The following MTCL1 variants were observed in gnomAD, a reference collection of about 807,000 sequenced individuals.
MTCL1 encodes microtubule cross-linking factor 1.
Under a neutral mutation model 141.4 loss-of-function variants are expected in MTCL1, and 79 were observed. The observed-to-expected ratio is 0.56, with a 90% CI of 0.47 to 0.67. The LOEUF (loss-of-function observed/expected upper bound fraction) is 0.67. Ranked by LOEUF, MTCL1 falls within the 30% of genes least tolerant of loss-of-function variation. The pLI is 0.00. For missense variants in MTCL1, 2,177 were observed against 2,113.9 expected (o/e 1.03, Z -0.59); for synonymous variants, 914 against 875.8 (o/e 1.04, Z -0.77).
chr18:8,788,158 C>G (rs766048142), intron 7 of MTCL1, among the ~76,000 whole-genome samples: 1 of 152,164 alleles, frequency 6.6e-6, no homozygotes, highest in African/African-American at 2.4e-5. Context: ...ACACAGACCC[C>G]GCCGGACTAA....
At chr18:8,726,071 G>A (rs1253570002) in intron 4 of MTCL1, among the ~76,000 whole-genome samples, 12 of 151,698 alleles carry the variant, frequency 7.9e-5, no homozygotes, top group African/African-American at 2.4e-4. Flanking sequence ...GATTACAGGC[G>A]TGAGCCACCG....
At chr18:8,709,493 G>T (rs979372642) in intron 1 of MTCL1, among the ~76,000 whole-genome samples, 2 of 152,042 alleles carry the variant, frequency 1.3e-5, no homozygotes, top group Non-Finnish European at 2.9e-5. Flanking sequence ...TGTGCCTCGT[G>T]GGGTACTTTT....
intron 4 of MTCL1, among the ~76,000 whole-genome samples, chr18:8,777,352 C>T (rs771213279): frequency 6.6e-6 from 1 of 152,182 alleles, no homozygotes; most frequent in Non-Finnish European, 1.5e-5. Context: ...CCTTGGTATC[C>T]CAAAGCATTG....
At chr18:8,821,346 CAG>C (rs2076839978) in intron 13 of MTCL1, 119 bp from the exon 13 acceptor site, 3 of 639,814 alleles carry the variant, frequency 4.7e-6, no homozygotes. Context: ...AGCTTGGCCT[CAG>C]TGCACATTTT....
intron 5 of MTCL1, 70 bp from the exon 5 acceptor site, chr18:8,783,460 G>A: frequency 7.2e-7 from 1 of 1,385,906 alleles, no homozygotes; most frequent in Non-Finnish European, 9.8e-7. Flanking sequence ...AGGTGTGAGG[G>A]GAATCATGAA....
intron 4 of MTCL1, among the ~76,000 whole-genome samples, chr18:8,737,885 A>G (rs567726876): frequency 4.6e-5 from 7 of 152,274 alleles, no homozygotes; most frequent in Non-Finnish European, 1.0e-4. Flanking sequence ...CTGTTGCTTT[A>G]TGGGGCCATG....
chr18:8,748,030 TG>T (rs2096349961), intron 4 of MTCL1, among the ~76,000 whole-genome samples: 1 of 152,142 alleles, frequency 6.6e-6, no homozygotes, highest in Non-Finnish European at 1.5e-5. Context: ...TTGGTGCCCC[TG>T]GTCTTCCGTC....
At chr18:8,707,074 AG>A (rs1326212798) in intron 1 of MTCL1, 1 of 192,104 alleles carries the variant, frequency 5.2e-6, no homozygotes, top group Non-Finnish European at 1.1e-5. Context: ...CCTCACCTGT[AG>A]GAACAGGTGA....
exon 6 of MTCL1, chr18:8,784,332 A>G: frequency 1.3e-6 from 2 of 1,552,056 alleles, no homozygotes; most frequent in Non-Finnish European, 1.7e-6. Flanking sequence ...CCCCAGCCCA[A>G]GCGGGAAGGG....
At chr18:8,755,786 G>C (rs1476873053) in intron 4 of MTCL1, among the ~76,000 whole-genome samples, 2 of 152,242 alleles carry the variant, frequency 1.3e-5, no homozygotes, top group African/African-American at 4.8e-5. Flanking sequence ...TATACAGTAA[G>C]TTATGAAGCA....
Position 8,813,240 on chromosome 18 carries a change from A to G in MTCL1, c.2859+7A>G, listed in dbSNP as rs1267136296. The G allele has an allele frequency of 1.9e-6, 3 of 1,609,626 alleles. No homozygotes were observed. The highest frequency in any genetic ancestry group is 2.5e-6 in the Non-Finnish European group (3 of 1,178,156). ...CTTGTGGAGGATAGAGCAGGTAAGG[A>G]GGCACCCCGGGGCCCTGGAGCATAG... On this transcript the variant is annotated splice_region_variant and intron_variant, in intron 12 of 16. Coordinates refer to ENST00000359865, the Ensembl canonical transcript of MTCL1.
chr18:8,823,023 CAAA>C (rs879595081), intron 14 of MTCL1, among the ~76,000 whole-genome samples: 91 of 131,312 alleles, frequency 6.9e-4, no homozygotes, highest in Non-Finnish European at 9.1e-4. Flanking sequence ...GACTCCGTCT[CAAA>C]AAAAAAAAAA....
chr18:8,823,181 C>T (rs566919600), intron 14 of MTCL1, among the ~76,000 whole-genome samples: 1 of 152,298 alleles, frequency 6.6e-6, no homozygotes, highest in South Asian at 2.1e-4. Context: ...CCTACACATG[C>T]TCCAGATGTA....
intron 4 of MTCL1, among the ~76,000 whole-genome samples, chr18:8,746,297 T>G (rs142075314): frequency 6.4e-4 from 98 of 152,354 alleles, no homozygotes; most frequent in African/African-American, 2.3e-3. Flanking sequence ...TTTGAATTTT[T>G]TAAGGAACCG....
At chr18:8,813,274 T>A in intron 12 of MTCL1, 41 bp downstream of exon 11, 1 of 1,585,906 alleles carries the variant, frequency 6.3e-7, no homozygotes, top group Non-Finnish European at 8.6e-7. Context: ...AGGCACAGAG[T>A]GTAGACTGCT....
At chr18:8,769,410 T>G (rs933812761) in intron 4 of MTCL1, among the ~76,000 whole-genome samples, 3 of 152,246 alleles carry the variant, frequency 2.0e-5, no homozygotes, top group Non-Finnish European at 4.4e-5. Context: ...ACAGTTTTAC[T>G]TTATTACCTT....
chr18:8,798,114 C>G, exon 10 of MTCL1: 2 of 1,589,576 alleles, frequency 1.3e-6, no homozygotes, highest in East Asian at 2.3e-5. Context: ...ATCCAGAGAC[C>G]CTCTCCAGGC....
Position 8,786,111 on chromosome 18 carries a change from C to CG in MTCL1, c.1887+20_1887+21insG. 5 of 1,128,896 alleles carry CG rather than the reference C, an allele frequency of 4.4e-6. No individual in the cohort carries two copies. The highest frequency in any genetic ancestry group is 2.9e-5 in the South Asian group (2 of 68,986). 69.9% of individuals were successfully genotyped at this position (1,128,896 alleles called of 1,614,324 possible). ...CTGGAGGTCAGCGTGGGCAAGCAAT[C>CG]CCCCCCCCCCGCCCTCCCCCTCCTT... On this transcript the variant is annotated intron_variant, in intron 7 of 16. Coordinates refer to ENST00000359865, the Ensembl canonical transcript of MTCL1.
At chr18:8,786,119 C>CACCA (rs1555656000) in intron 7 of MTCL1, 28 bp downstream of exon 6, 73 of 1,431,246 alleles carry the variant, frequency 5.1e-5, no homozygotes, top group Non-Finnish European at 6.3e-5. Flanking sequence ...ATCCCCCCCC[C>CACCA]CCGCCCTCCC....
Sources: gnomAD v4.1 joint callset for allele counts (sites outside exome capture counted in the v4.1 genomes callset) on GRCh38, gnomAD v4.1.1 for gene constraint, MANE v1.5 for transcripts, NCBI Gene and HGNC (gene_info 2026-07-23, HGNC 2026-07-21) for gene names.